PCDHGA8: variants seen among roughly 807,000 people sequenced by gnomAD.
The protein encoded by PCDHGA8 is protocadherin gamma-A8.
A neutral mutation model predicts 59.2 loss-of-function variants in PCDHGA8; 45 were observed. The observed-to-expected ratio is 0.76, with a 90% CI of 0.60 to 0.98. PCDHGA8 has a LOEUF of 0.98. PCDHGA8 is among the 50% of genes least tolerant of loss of function. PCDHGA8 has a pLI of 0.00. For synonymous variants in PCDHGA8, 531 were observed against 519.0 expected (o/e 1.02, Z -0.32); for missense variants, 1,257 against 1,196.2 (o/e 1.05, Z -0.75).
At chr5:141,407,505 T>TTTTTTTTTTTTTTTTTTTTTTGAGACGG (rs1460306566) in intron 1 of PCDHGA8, among the ~76,000 whole-genome samples, 2 of 152,142 alleles carry the variant, frequency 1.3e-5, no homozygotes, top group African/African-American at 2.4e-5. Context: ...CTGTTTTTCT[T>TTTTTTTTTTTTTTTTTTTTTTGAGACGG]AGGCTATGTA....
rs2092676024 is a variant in PCDHGA8, at chr5:141,393,092, G to A, written c.279G>A (p.Glu93=). The change falls in exon 1 of 4, where the codon GAG becomes GAA. Residue 93 remains glutamate, a synonymous_variant. Coordinates refer to ENST00000398604, the MANE Select transcript of PCDHGA8 (RefSeq NM_032088.2). ...SLITAGRIDR[E]ELCAQSPRCL... is the part of the protein sequence containing the mutation. The stretch of plus-strand genomic sequence containing the variant: ...TCACCGCGGGCAGGATAGATCGGGA[G>A]GAGCTCTGCGCTCAGAGCCCGCGGT... The A allele has an allele frequency of 6.2e-7, 1 of 1,613,644 alleles. No homozygotes were observed. The highest frequency in any genetic ancestry group is 8.5e-7 in the Non-Finnish European group (1 of 1,179,920).
chr5:141,420,005 C>T, intron 1 of PCDHGA8: 2 of 1,614,056 alleles, frequency 1.2e-6, no homozygotes, highest in Non-Finnish European at 1.7e-6. Context: ...TCTACGCCTG[C>T]GACAGTCTTT....
intron 1 of PCDHGA8, among the ~76,000 whole-genome samples, chr5:141,471,744 A>G (rs2099263733): frequency 6.6e-6 from 1 of 152,208 alleles, no homozygotes; most frequent in South Asian, 2.1e-4. Context: ...GAGACATAAC[A>G]TATTTGAGGG....
In PCDHGA8 at chr5:141,487,186, A is replaced by G; in HGVS notation, c.2425-7621A>G. 4 of 1,613,760 alleles carry G rather than the reference A, an allele frequency of 2.5e-6. No individual in the cohort carries two copies. The highest frequency in any genetic ancestry group is 2.5e-6 in the Non-Finnish European group (3 of 1,179,662). ...TGTCCTTAGAGGAAGACACTCATCC[A>G]GTTGTCCCAGATCTTCGAGAATCTT... is the stretch of plus-strand genomic sequence containing the variant. On this transcript the variant is annotated intron_variant, in intron 1 of 3. Coordinates refer to ENST00000398604, the MANE Select transcript of PCDHGA8 (RefSeq NM_032088.2). This position sits in a 1 kb window ranked among gnomAD's most constrained non-coding sequence, Gnocchi z 5.0.
chr5:141,446,230 G>A (rs548647406), intron 1 of PCDHGA8, among the ~76,000 whole-genome samples: 22 of 152,208 alleles, frequency 1.4e-4, no homozygotes, highest in African/African-American at 4.6e-4. Context: ...GTGTTGCCTG[G>A]CAAGTGGTAG....
In PCDHGA8 at chr5:141,395,131, C is replaced by G; in HGVS notation, c.2318C>G (p.Pro773Arg). Reference sequence around the variant, plus strand: ...AAGAGTCACCTGATCTTTCCCCAGCCCAACTACGCAGACATGCTCATCAGT... The same window carrying G: ...AAGAGTCACCTGATCTTTCCCCAGCGCAACTACGCAGACATGCTCATCAGT... ...SRKSHLIFPQ[P>R]NYADMLISQE... The change falls in exon 1 of 4, where the codon CCC (proline) becomes CGC (arginine). Residue 773 changes from proline (P) to arginine (R), a missense_variant. By Grantham distance (103) the Pro-to-Arg change is moderately radical. Coordinates refer to ENST00000398604, the MANE Select transcript of PCDHGA8 (RefSeq NM_032088.2). 1 of 1,614,202 alleles carries G rather than the reference C, an allele frequency of 6.2e-7. No individual in the cohort carries two copies. Among genetic ancestry groups the G allele is most frequent in the Non-Finnish European group, 8.5e-7 (1 of 1,180,038 alleles).
At chr5:141,403,144 C>A in intron 1 of PCDHGA8, 10 of 1,614,042 alleles carry the variant, frequency 6.2e-6, no homozygotes, top group Non-Finnish European at 8.5e-6. Flanking sequence ...AGCGCCGAGT[C>A]CGCATCGTCT....
Position 141,485,449 on chromosome 5 carries a change from A to G in PCDHGA8, c.2425-9358A>G, listed in dbSNP as rs2099613844. 6.2e-7 allele frequency: 1 copy of G among 1,614,054 alleles called. No homozygotes were observed. The highest frequency in any genetic ancestry group is 2.2e-5 in the East Asian group (1 of 44,876). On this transcript the variant is annotated intron_variant, in intron 1 of 3. Coordinates refer to ENST00000398604, the MANE Select transcript of PCDHGA8 (RefSeq NM_032088.2). The surrounding 1 kb of genome is among the most constrained non-coding windows in gnomAD (Gnocchi z 5.7). ...TGCTCATCAAGAACCCAATCGACCG[A>G]GAGGCACTGTGTGGGCTCAGTGCCA...
In PCDHGA8 at chr5:141,477,806, G is replaced by T; in HGVS notation, c.2425-17001G>T. ...ATTTGTCACTGATCGCAATGACAAT[G>T]CCCCCCAGGTCCTATATCCTCGGCC... On this transcript the variant is annotated intron_variant, in intron 1 of 3. Coordinates refer to ENST00000398604, the MANE Select transcript of PCDHGA8 (RefSeq NM_032088.2). The surrounding 1 kb of genome is among the most constrained non-coding windows in gnomAD (Gnocchi z 4.9). 6.2e-7 allele frequency: 1 copy of T among 1,614,118 alleles called. No homozygotes were observed. The highest frequency in any genetic ancestry group is 8.5e-7 in the Non-Finnish European group (1 of 1,180,036).
intron 2 of PCDHGA8, among the ~76,000 whole-genome samples, chr5:141,497,016 C>G (rs1384415729): frequency 6.6e-6 from 1 of 152,056 alleles, no homozygotes; most frequent in East Asian, 1.9e-4. Context: ...TGGTGAAACC[C>G]CATCTCGATT....
chr5:141,471,562 G>T (rs2099259935), intron 1 of PCDHGA8: 1 of 152,136 alleles, frequency 6.6e-6, no homozygotes, highest in Non-Finnish European at 1.5e-5. Flanking sequence ...TTGACTCAGG[G>T]GTAGCAGTAG....
intron 1 of PCDHGA8, among the ~76,000 whole-genome samples, chr5:141,439,689 A>G (rs1193986599): frequency 6.6e-6 from 1 of 152,218 alleles, no homozygotes; most frequent in Non-Finnish European, 1.5e-5. Flanking sequence ...CAGACCCACA[A>G]CATTCCTATT....
At chr5:141,427,963 T>C (rs1289642441) in intron 1 of PCDHGA8, 1 of 1,589,380 alleles carries the variant, frequency 6.3e-7, no homozygotes, top group East Asian at 2.2e-5. Flanking sequence ...GTGCCGCGGG[T>C]GCTGTACCCC....
chr5:141,432,016 C>G lies in PCDHGA8; in HGVS notation c.2424+36779C>G. 1 of 1,614,202 alleles carries G rather than the reference C, an allele frequency of 6.2e-7. No individual in the cohort carries two copies. The highest frequency in any genetic ancestry group is 1.1e-5 in the South Asian group (1 of 91,082). ...ATAGGGAACAGGTTCCTAGCTACAACATCACAGTGACCGCCACTGACCGGG... is the reference window on the plus strand; with the variant it reads ...ATAGGGAACAGGTTCCTAGCTACAAGATCACAGTGACCGCCACTGACCGGG... On this transcript the variant is annotated intron_variant, in intron 1 of 3. Coordinates refer to ENST00000398604, the MANE Select transcript of PCDHGA8 (RefSeq NM_032088.2). The surrounding 1 kb of genome is among the most constrained non-coding windows in gnomAD (Gnocchi z 6.0).
rs144222319 is a variant in PCDHGA8, at chr5:141,505,519, C to T, written c.2572+38C>T. ...AGTGTGTGTATGGAAGAGTGGGAGACCTGGGGTTCTGGGGTGCATCTCACA... is the reference window on the plus strand; with the variant it reads ...AGTGTGTGTATGGAAGAGTGGGAGATCTGGGGTTCTGGGGTGCATCTCACA... On this transcript the variant is annotated intron_variant, in intron 3 of 3. Coordinates refer to ENST00000398604, the MANE Select transcript of PCDHGA8 (RefSeq NM_032088.2). The T allele has an allele frequency of 1.5e-3, 2,491 of 1,613,690 alleles. 3 individuals carry two copies. The highest frequency in any genetic ancestry group is 2.6e-3 in the Middle Eastern group (16 of 6,060).
At chr5:141,419,781 G>A in intron 1 of PCDHGA8, 1 of 1,614,032 alleles carries the variant, frequency 6.2e-7, no homozygotes, top group Non-Finnish European at 8.5e-7. Flanking sequence ...GTCCGCCAGC[G>A]CCTGCTAGTC....
intron 1 of PCDHGA8, among the ~76,000 whole-genome samples, chr5:141,482,144 G>C (rs564178008): frequency 1.3e-4 from 20 of 151,858 alleles, no homozygotes; most frequent in Admixed American, 9.8e-4. Flanking sequence ...GGCATAAAAA[G>C]GTCAAGTCAA....
At position 141,489,072 on chromosome 5, in the gene PCDHGA8, A is replaced by AC; in HGVS notation, c.2425-5730dup. The AC allele has an allele frequency of 1.3e-5, 2 of 157,710 alleles. No homozygotes were observed. Among genetic ancestry groups the AC allele is most frequent in the Non-Finnish European group, 1.2e-5 (1 of 83,996 alleles). 9.8% of individuals were successfully genotyped at this position (157,710 alleles called of 1,614,324 possible). A position where few individuals can be genotyped will look rare whatever the true frequency, so the allele number is the denominator to read the frequency against. On this transcript the variant is annotated intron_variant, in intron 1 of 3. Transcript: ENST00000398604. This position sits in a 1 kb window ranked among gnomAD's most constrained non-coding sequence, Gnocchi z 4.5. The stretch of plus-strand genomic sequence containing the variant: ...AATTCAGCTCCCCTCCCCCCTGCCC[A>AC]CCCCCGCCACTCGGTGACTAAGAAC...
intron 1 of PCDHGA8, among the ~76,000 whole-genome samples, chr5:141,434,605 T>C (rs1448149059): frequency 6.6e-6 from 1 of 152,198 alleles, no homozygotes; most frequent in Non-Finnish European, 1.5e-5. Context: ...ATCCCTTTAT[T>C]TCCGCCCATC....
Sources: allele counts gnomAD v4.1 joint callset (sites outside exome capture counted in the v4.1 genomes callset), GRCh38; gene constraint gnomAD v4.1.1; non-coding constraint Gnocchi (gnomAD v3.1); transcripts MANE v1.5; gene names NCBI Gene and HGNC (gene_info 2026-07-23, HGNC 2026-07-21).